HDGFL3: variants seen among roughly 807,000 people sequenced by gnomAD.
The protein encoded by HDGFL3 is HDGF like 3, also known as hepatoma-derived growth factor-related protein 3.
Under a neutral mutation model 27.6 loss-of-function variants are expected in HDGFL3, and 6 were observed. That is an observed-to-expected ratio of 0.22 (90% CI 0.12 to 0.43). The LOEUF is 0.43. Among genes scored for constraint, HDGFL3 ranks in the 20% least tolerant of loss-of-function variants. The probability of loss-of-function intolerance (pLI) is 1.00; values close to 1 mark genes in which losing one functional copy is unlikely to be tolerated. For synonymous variants in HDGFL3, 88 were observed against 88.9 expected (o/e 0.99, Z 0.05); for missense variants, 207 against 250.1 (o/e 0.83, Z 1.16).
intron 5 of HDGFL3, among the ~76,000 whole-genome samples, chr15:83,140,213 G>A (rs1008705604): frequency 5.3e-5 from 8 of 152,110 alleles, no homozygotes. Context: ...TCAAAGGAGA[G>A]AGAGTTACCA....
chr15:83,125,712 G>A (rs566371142), downstream of HDGFL3, among the ~76,000 whole-genome samples: 19 of 152,288 alleles, frequency 1.2e-4, no homozygotes, highest in South Asian at 4.1e-4. Context: ...CTGTTGGCGC[G>A]CGTAACAGTT....
rs1422819972 is a variant in HDGFL3 at position 83,207,306 on chromosome 15, G to C, written c.84+25C>G. 3 of 1,328,130 alleles carry C rather than the reference G, an allele frequency of 2.3e-6. No homozygotes were observed. In the African/African-American group the frequency reaches 4.6e-5, roughly 20 times the overall value. The allele number at this position is 1,328,130 out of a possible 1,614,324, so 82.3% of individuals were successfully genotyped here. ...GAAGGGGAAAATGGTGGGCGGGCGGGCCCGCGCGCGGCCGCGGTACTCACC... is the reference window on the plus strand; with the variant it reads ...GAAGGGGAAAATGGTGGGCGGGCGGCCCCGCGCGCGGCCGCGGTACTCACC... On this transcript the variant is annotated intron_variant, in intron 1 of 5. Transcript: ENST00000299633. The surrounding 1 kb of genome is among the most constrained non-coding windows in gnomAD (Gnocchi z 4.8).
chr15:83,117,944 T>C (rs1005725299), intron 3 of HDGFL3, among the ~76,000 whole-genome samples: 2 of 151,746 alleles, frequency 1.3e-5, no homozygotes, highest in Admixed American at 6.6e-5. Flanking sequence ...AGAGGGAGAA[T>C]TGCCGGGGTG....
chr15:83,137,126 T>G lies in HDGFL3; in HGVS notation c.*2144A>C, dbSNP rs1343762728. 2 of 152,308 alleles carry G rather than the reference T, an allele frequency of 1.3e-5. No homozygotes were observed. The highest frequency in any genetic ancestry group is 1.3e-4 in the Admixed American group (2 of 15,296). 9.4% of individuals were successfully genotyped at this position (152,308 alleles called of 1,614,324 possible). A position where few individuals can be genotyped will look rare whatever the true frequency, so the allele number is the denominator to read the frequency against. ...TATTAAACTCAATATAAAAGGCAAA[T>G]CATCAGAATATTTTTAAATGTTGTT... On this transcript the variant is annotated 3_prime_UTR_variant, in exon 6 of 6. Coordinates refer to ENST00000299633, the MANE Select transcript of HDGFL3 (RefSeq NM_016073.4).
intron 3 of HDGFL3, among the ~76,000 whole-genome samples, chr15:83,121,480 T>C (rs1429756821): frequency 1.3e-5 from 2 of 152,236 alleles, no homozygotes; most frequent in African/African-American, 4.8e-5. Context: ...TTTGGGGCTT[T>C]GGCCAAAATT....
chr15:83,186,854 C>A (rs76496157), intron 1 of HDGFL3, among the ~76,000 whole-genome samples: 198 of 152,240 alleles, frequency 1.3e-3, no homozygotes, highest in African/African-American at 4.5e-3. Context: ...TAACCAACAA[C>A]CACTTGTACC....
At chr15:83,193,555 T>C (rs1382417472) in intron 1 of HDGFL3, among the ~76,000 whole-genome samples, 1 of 152,150 alleles carries the variant, frequency 6.6e-6, no homozygotes, top group Non-Finnish European at 1.5e-5. Context: ...AATTACCATA[T>C]TGAAGTAGAA....
At chr15:83,187,465 A>G (rs946506475) in intron 1 of HDGFL3, among the ~76,000 whole-genome samples, 9 of 152,142 alleles carry the variant, frequency 5.9e-5, no homozygotes, top group African/African-American at 2.2e-4. Flanking sequence ...CTTGCAGTCA[A>G]TTGCCATAAA....
chr15:83,199,594 T>C (rs2037613644), intron 1 of HDGFL3, among the ~76,000 whole-genome samples: 1 of 152,244 alleles, frequency 6.6e-6, no homozygotes, highest in African/African-American at 2.4e-5. Context: ...TGGGTAGCTG[T>C]ATAGACTCTA....
chr15:83,192,420 T>C, intron 1 of HDGFL3: 2 of 410,684 alleles, frequency 4.9e-6, no homozygotes, highest in South Asian at 1.8e-5. Context: ...AATACCAATA[T>C]ATGCCACAGT....
At chr15:83,205,924 C>T (rs551777730) in intron 1 of HDGFL3, among the ~76,000 whole-genome samples, 4 of 152,224 alleles carry the variant, frequency 2.6e-5, no homozygotes, top group Non-Finnish European at 5.9e-5. Context: ...TATTTTCAGT[C>T]TACTGGAACC....
chr15:83,159,712 T>G (rs899206556), intron 2 of HDGFL3, among the ~76,000 whole-genome samples: 4 of 152,056 alleles, frequency 2.6e-5, no homozygotes, highest in Non-Finnish European at 5.9e-5. Context: ...AAGAACAAGT[T>G]GAAGAAAGAG....
intron 1 of HDGFL3, among the ~76,000 whole-genome samples, chr15:83,170,792 G>A (rs1017427047): frequency 1.3e-5 from 2 of 149,126 alleles, no homozygotes; most frequent in Non-Finnish European, 3.0e-5. Context: ...AACCTACATT[G>A]AATGGGAGAA....
intron 1 of HDGFL3, among the ~76,000 whole-genome samples, chr15:83,202,419 TAAAC>T (rs1385438207): frequency 5.3e-5 from 8 of 152,018 alleles, no homozygotes; most frequent in Admixed American, 3.9e-4. Context: ...CTGATGCAGG[TAAAC>T]AAACCAGACA....
intron 2 of HDGFL3, among the ~76,000 whole-genome samples, chr15:83,162,675 GA>G (rs1477291563): frequency 6.6e-5 from 10 of 152,118 alleles, no homozygotes; most frequent in Non-Finnish European, 1.3e-4. Flanking sequence ...TTTCTCTCAC[GA>G]AAAAAAGTCT....
intron 1 of HDGFL3, among the ~76,000 whole-genome samples, chr15:83,164,367 C>CAAAA (rs869303457): frequency 3.6e-4 from 14 of 38,394 alleles, no homozygotes; most frequent in East Asian, 9.0e-4. Context: ...TTAGAGTAAC[C>CAAAA]AAAAAAAAAA....
At chr15:83,126,948 T>G (rs1007946226), downstream of HDGFL3, 2 of 881,590 alleles carry the variant, frequency 2.3e-6, no homozygotes, top group Admixed American at 2.2e-5. Flanking sequence ...ATCCCAGCAC[T>G]TTGGGAGGCC....
At chr15:83,155,864 T>A (rs905659968) in intron 4 of HDGFL3, among the ~76,000 whole-genome samples, 1 of 152,194 alleles carries the variant, frequency 6.6e-6, no homozygotes, top group African/African-American at 2.4e-5. Flanking sequence ...CAATCTTTGG[T>A]CTTCAAGGAT....
intron 1 of HDGFL3, among the ~76,000 whole-genome samples, chr15:83,190,131 T>A (rs1010196500): frequency 6.6e-6 from 1 of 151,318 alleles, no homozygotes; most frequent in Non-Finnish European, 1.5e-5. Flanking sequence ...AGAGGATTGC[T>A]TGAGCTTGGG....
Sources: gnomAD v4.1 joint callset for allele counts (sites outside exome capture counted in the v4.1 genomes callset) on GRCh38, gnomAD v4.1.1 for gene constraint, Gnocchi (gnomAD v3.1) non-coding constraint, MANE v1.5 for transcripts, NCBI Gene and HGNC (gene_info 2026-07-23, HGNC 2026-07-21) for gene names.